Variants in TPD52L1 observed in about 807,000 individuals in gnomAD.
TPD52L1 encodes tumor protein D53.
Under a neutral mutation model 28.7 loss-of-function variants are expected in TPD52L1, and 18 were observed. That is an observed-to-expected ratio of 0.63 (90% CI 0.43 to 0.93). The LOEUF (loss-of-function observed/expected upper bound fraction) is 0.93. Among genes scored for constraint, TPD52L1 ranks in the 40% least tolerant of loss-of-function variants. The pLI is 0.00. For synonymous variants in TPD52L1, 75 were observed against 88.8 expected, an observed-to-expected ratio of 0.84 and a Z score of 0.88; for missense variants, 203 against 254.8, an observed-to-expected ratio of 0.80 and a Z score of 1.39.
intron 1 of TPD52L1, among the ~76,000 whole-genome samples, chr6:125,199,521 A>G (rs1331966883): frequency 6.6e-6 from 1 of 152,156 alleles, no homozygotes; most frequent in African/African-American, 2.4e-5. Flanking sequence ...CCTCATCTCT[A>G]CTAAAAATAC....
intron 1 of TPD52L1, among the ~76,000 whole-genome samples, chr6:125,156,775 A>G (rs1460673171): frequency 6.6e-6 from 1 of 152,184 alleles, no homozygotes; most frequent in Non-Finnish European, 1.5e-5. Flanking sequence ...TCTCAAAAAC[A>G]GATAAACAAA....
At chr6:125,207,018 C>A (rs1794191361) in intron 1 of TPD52L1, among the ~76,000 whole-genome samples, 1 of 152,152 alleles carries the variant, frequency 6.6e-6, no homozygotes, top group South Asian at 2.1e-4. Flanking sequence ...GACAAACAAA[C>A]ATCACAGATA....
chr6:125,229,587 T>G (rs1335529269), intron 3 of TPD52L1, among the ~76,000 whole-genome samples: 3 of 152,210 alleles, frequency 2.0e-5, no homozygotes, highest in African/African-American at 7.2e-5. Flanking sequence ...TTTTTAAAAC[T>G]TTTTCTCATA....
rs1263593865 is a variant in TPD52L1, at chr6:125,157,472, A to T, written c.19+3502A>T. Among the ~76,000 whole-genome samples the T allele has an allele frequency of 3.9e-5, 6 of 152,202 alleles. No individual in the cohort carries two copies. The East Asian group carries it at 1.2e-3, about 29-fold the overall frequency. On this transcript the variant is annotated intron_variant, in intron 1 of 6. Coordinates refer to ENST00000534000, the MANE Select transcript of TPD52L1 (RefSeq NM_003287.4). ...AGTGGGATTATGGGTGGAGCTGTTC[A>T]CTGAGGAGGGCTGGAGAACAACGTG...
intron 2 of TPD52L1, among the ~76,000 whole-genome samples, chr6:125,222,236 A>T (rs1205150077): frequency 1.2e-4 from 19 of 152,250 alleles, no homozygotes; most frequent in Non-Finnish European, 4.4e-5. Context: ...CCATCTCTGC[A>T]GTCTCACTGC....
intron 4 of TPD52L1, among the ~76,000 whole-genome samples, chr6:125,250,830 G>A (rs1173442028): frequency 1.3e-5 from 2 of 152,114 alleles, no homozygotes; most frequent in African/African-American, 2.4e-5. Context: ...CCCATGTAGA[G>A]GGTACAACAT....
intron 4 of TPD52L1, among the ~76,000 whole-genome samples, chr6:125,250,095 C>A (rs1377800255): frequency 2.6e-5 from 4 of 152,092 alleles, no homozygotes; most frequent in African/African-American, 9.7e-5. Context: ...CCCTCTATAA[C>A]CTGTTATACC....
chr6:125,182,658 G>A (rs1323113136), intron 1 of TPD52L1, among the ~76,000 whole-genome samples: 1 of 152,224 alleles, frequency 6.6e-6, no homozygotes. Context: ...GAGAGCACTT[G>A]ATTAGCTGTC....
intron 2 of TPD52L1, among the ~76,000 whole-genome samples, chr6:125,221,254 T>A (rs1035717952): frequency 2.0e-5 from 3 of 152,220 alleles, no homozygotes; most frequent in Non-Finnish European, 4.4e-5. Flanking sequence ...GCACAGTGCC[T>A]CAAATCTTTA....
chr6:125,169,986 A>G (rs1176354457), intron 1 of TPD52L1, among the ~76,000 whole-genome samples: 1 of 152,028 alleles, frequency 6.6e-6, no homozygotes, highest in Admixed American at 6.5e-5. Context: ...CTCTTCTTCA[A>G]GACGCTTCCT....
At chr6:125,211,538 C>A (rs766028891) in intron 1 of TPD52L1, among the ~76,000 whole-genome samples, 14 of 152,262 alleles carry the variant, frequency 9.2e-5, no homozygotes, top group African/African-American at 2.4e-4. Flanking sequence ...GTATGACTTG[C>A]GTTTTATGAT....
intron 6 of TPD52L1, among the ~76,000 whole-genome samples, chr6:125,259,311 C>T (rs1382975692): frequency 2.6e-5 from 4 of 152,116 alleles, no homozygotes; most frequent in Non-Finnish European, 5.9e-5. Flanking sequence ...TATAAAGGTC[C>T]ACTCCTGCCA....
chr6:125,262,872 T>G lies in TPD52L1; in HGVS notation c.525T>G (p.Phe175Leu), dbSNP rs769276376. 1 of 1,614,264 alleles carries G rather than the reference T, an allele frequency of 6.2e-7. No individual in the cohort carries two copies. Among genetic ancestry groups the G allele is most frequent in the South Asian group, 1.1e-5 (1 of 91,082 alleles). Residue 175 changes from phenylalanine to leucine, a missense_variant, in exon 7 of 7, where the codon TTT (phenylalanine) becomes TTG (leucine). Transcript: ENST00000534000. ...VGGTNPNGGS[F>L]EEVLSSTAHA... Reference sequence around the variant, plus strand: ...GTACGAACCCTAATGGAGGCAGTTTTGAGGAGGTCCTCAGCTCCACGGCCC... The same window carrying G: ...GTACGAACCCTAATGGAGGCAGTTTGGAGGAGGTCCTCAGCTCCACGGCCC...
intron 1 of TPD52L1, among the ~76,000 whole-genome samples, chr6:125,178,154 G>A (rs530568105): frequency 1.3e-5 from 2 of 152,142 alleles, no homozygotes; most frequent in South Asian, 2.1e-4. Context: ...GTCACAAAAC[G>A]ACTAGTTCTA....
At chr6:125,242,873 G>A (rs1796696354) in intron 3 of TPD52L1, among the ~76,000 whole-genome samples, 1 of 151,930 alleles carries the variant, frequency 6.6e-6, no homozygotes, top group Admixed American at 6.6e-5. Flanking sequence ...GTTTCATTTT[G>A]TTCTTGTTTT....
chr6:125,168,902 C>T (rs560435456), intron 1 of TPD52L1, among the ~76,000 whole-genome samples: 16 of 152,218 alleles, frequency 1.1e-4, no homozygotes, highest in African/African-American at 3.9e-4. Context: ...AACATAATGG[C>T]CCCATATAAT....
chr6:125,187,101 T>A (rs1792688413), intron 1 of TPD52L1, among the ~76,000 whole-genome samples: 1 of 152,010 alleles, frequency 6.6e-6, no homozygotes, highest in Non-Finnish European at 1.5e-5. Context: ...ATGAAAAAAA[T>A]CTAATAATTT....
At chr6:125,251,920 T>C (rs977275317) in intron 4 of TPD52L1, 2 of 1,203,476 alleles carry the variant, frequency 1.7e-6, no homozygotes, top group African/African-American at 1.5e-5. Context: ...GTCTGTGCTC[T>C]GGGGCCCTTG....
At chr6:125,219,199 G>A (rs1795069012) in intron 1 of TPD52L1, among the ~76,000 whole-genome samples, 3 of 152,158 alleles carry the variant, frequency 2.0e-5, no homozygotes, top group Admixed American at 2.0e-4. Context: ...TGTTTCCTGG[G>A]TTCCCTGGAG....
Sources: allele counts gnomAD v4.1 joint callset (sites outside exome capture counted in the v4.1 genomes callset), GRCh38; gene constraint gnomAD v4.1.1; transcripts MANE v1.5; gene names NCBI Gene and HGNC (gene_info 2026-07-23, HGNC 2026-07-21).